The following GREM2 variants were observed in gnomAD, a reference collection of about 807,000 sequenced individuals.
GREM2 encodes gremlin-2.
GREM2 carries 11 observed loss-of-function variants against 14.2 expected under a neutral mutation model. That is an observed-to-expected ratio of 0.78 (90% CI 0.49 to 1.28). The LOEUF is 1.28. GREM2 is among the 50% of genes most tolerant of loss of function. The probability of loss-of-function intolerance (pLI) is 0.00; values close to 1 mark genes in which losing one functional copy is unlikely to be tolerated. For missense variants in GREM2, 210 were observed against 218.5 expected (o/e 0.96, Z 0.24); for synonymous variants, 98 against 97.6 (o/e 1.00, Z -0.02).
At chr1:240,601,901 A>G (rs1013185811) in intron 1 of GREM2, among the ~76,000 whole-genome samples, 2 of 138,470 alleles carry the variant, frequency 1.4e-5, no homozygotes, top group African/African-American at 5.5e-5. Context: ...CGACAGAGTG[A>G]GAATCCATCT....
chr1:240,502,959 A>G (rs1677602751), intron 1 of GREM2, among the ~76,000 whole-genome samples: 1 of 152,144 alleles, frequency 6.6e-6, no homozygotes, highest in African/African-American at 2.4e-5. Context: ...TCCTTGGAAA[A>G]GTTTTTATTC....
chr1:240,520,280 T>C (rs1247158372), intron 1 of GREM2, among the ~76,000 whole-genome samples: 1 of 152,018 alleles, frequency 6.6e-6, no homozygotes, highest in African/African-American at 2.4e-5. Context: ...TGTGTTAGAG[T>C]TGGGATGAGC....
At chr1:240,600,156 A>G (rs952515665) in intron 1 of GREM2, among the ~76,000 whole-genome samples, 1 of 152,194 alleles carries the variant, frequency 6.6e-6, no homozygotes, top group African/African-American at 2.4e-5. Flanking sequence ...TGCTAATTTG[A>G]CAACAAGGTA....
At chr1:240,563,038 GTA>G (rs887416626) in intron 1 of GREM2, among the ~76,000 whole-genome samples, 11 of 142,774 alleles carry the variant, frequency 7.7e-5, no homozygotes, top group South Asian at 2.4e-4. Flanking sequence ...ATATGAGTGT[GTA>G]TGTGTGTATG....
intron 1 of GREM2, among the ~76,000 whole-genome samples, chr1:240,592,299 T>A (rs986784872): frequency 6.6e-6 from 1 of 152,208 alleles, no homozygotes; most frequent in Non-Finnish European, 1.5e-5. Flanking sequence ...AGAGACTGAC[T>A]TATAACTTTT....
At chr1:240,510,295 G>A (rs913054541) in intron 1 of GREM2, among the ~76,000 whole-genome samples, 5 of 145,368 alleles carry the variant, frequency 3.4e-5, no homozygotes, top group Non-Finnish European at 7.4e-5. Flanking sequence ...GCGTGAACCG[G>A]GGAGGCGGAG....
intron 1 of GREM2, among the ~76,000 whole-genome samples, chr1:240,570,574 G>C (rs1244607232): frequency 6.6e-6 from 1 of 152,126 alleles, no homozygotes; most frequent in Non-Finnish European, 1.5e-5. Context: ...TTAATAAAAA[G>C]ACTGAAACAC....
chr1:240,580,600 C>G (rs10802890), intron 1 of GREM2, among the ~76,000 whole-genome samples: 99,519 of 152,098 alleles, frequency 0.65, 34,570 homozygotes, highest in African/African-American at 0.9. Flanking sequence ...TTCCTGACAG[C>G]GTCTCACTTT....
intron 1 of GREM2, among the ~76,000 whole-genome samples, chr1:240,535,141 A>G (rs925206505): frequency 6.6e-6 from 1 of 152,166 alleles, no homozygotes; most frequent in Non-Finnish European, 1.5e-5. Context: ...ATAATAATAA[A>G]ATTATAGTTG....
At chr1:240,609,937 T>C (rs777717080) in intron 1 of GREM2, among the ~76,000 whole-genome samples, 1 of 152,004 alleles carries the variant, frequency 6.6e-6, no homozygotes, top group Admixed American at 6.6e-5. Flanking sequence ...CTAAGATTCA[T>C]AGAGAATGAA....
intron 1 of GREM2, among the ~76,000 whole-genome samples, chr1:240,605,389 A>G (rs1292931830): frequency 2.0e-5 from 3 of 152,066 alleles, no homozygotes; most frequent in Non-Finnish European, 4.4e-5. Flanking sequence ...AGGTGGGGGG[A>G]TCACTTGAAC....
chr1:240,567,055 G>A (rs1679185431), intron 1 of GREM2, among the ~76,000 whole-genome samples: 1 of 152,108 alleles, frequency 6.6e-6, no homozygotes, highest in Non-Finnish European at 1.5e-5. Context: ...CAATAGCTGA[G>A]ATTAAAAATA....
intron 1 of GREM2, among the ~76,000 whole-genome samples, chr1:240,519,724 T>C (rs1483735088): frequency 6.6e-6 from 1 of 152,184 alleles, no homozygotes; most frequent in Non-Finnish European, 1.5e-5. Flanking sequence ...ATCATCAACT[T>C]ATTTCTATCT....
At chr1:240,527,248 T>G (rs927875208) in intron 1 of GREM2, among the ~76,000 whole-genome samples, 1 of 152,220 alleles carries the variant, frequency 6.6e-6, no homozygotes, top group Non-Finnish European at 1.5e-5. Flanking sequence ...TCTTGATAGA[T>G]TTTACAAGAT....
At position 240,544,197 on chromosome 1, in the gene GREM2, G is replaced by C. The variant is rs757724259; in HGVS notation, c.-1-50721C>G. 4.3e-4 allele frequency among the ~76,000 whole-genome samples: 64 copies of C among 149,734 alleles called. 1 individual carries two copies. The highest frequency in any genetic ancestry group is 1.9e-4 in the Non-Finnish European group (13 of 67,852). On this transcript the variant is annotated intron_variant, in intron 1 of 1. Coordinates refer to ENST00000318160, the MANE Select transcript of GREM2 (RefSeq NM_022469.4). ...CAGTCTCGCTCTGTCGCCCAGGCTG[G>C]AGTGCAGTGGCGCAATCTCGGCTCA...
At chr1:240,509,109 T>C (rs1253858214) in intron 1 of GREM2, among the ~76,000 whole-genome samples, 2 of 152,192 alleles carry the variant, frequency 1.3e-5, no homozygotes, top group Non-Finnish European at 2.9e-5. Context: ...TCTTTAATGA[T>C]TTGTGACAGG....
chr1:240,563,208 A>T (rs749401919), intron 1 of GREM2, among the ~76,000 whole-genome samples: 4 of 151,106 alleles, frequency 2.6e-5, no homozygotes, highest in African/African-American at 4.9e-5. Flanking sequence ...TGTGTAAGTG[A>T]GTGTGTGTTT....
chr1:240,611,861 G>C (rs1016735136), intron 1 of GREM2, 23 bp downstream of exon 1: 1 of 152,654 alleles, frequency 6.6e-6, no homozygotes, highest in Non-Finnish European at 1.5e-5. Context: ...TCTGTGTCAC[G>C]TTAGTCGTGA....
intron 1 of GREM2, among the ~76,000 whole-genome samples, chr1:240,548,879 C>G (rs1182874786): frequency 6.6e-6 from 1 of 152,098 alleles, no homozygotes; most frequent in Non-Finnish European, 1.5e-5. Flanking sequence ...CATGTAGAAG[C>G]CTAGAAACTA....
Sources: allele counts gnomAD v4.1 joint callset (sites outside exome capture counted in the v4.1 genomes callset), GRCh38; gene constraint gnomAD v4.1.1; transcripts MANE v1.5; gene names NCBI Gene and HGNC (gene_info 2026-07-23, HGNC 2026-07-21).